The following HADHA variants were observed in gnomAD, a reference collection of about 807,000 sequenced individuals.
HADHA encodes trifunctional enzyme subunit alpha, mitochondrial.
In HADHA, 59 loss-of-function variants were observed where a neutral mutation model predicts 91.3. The ratio of observed to expected loss-of-function variants is 0.65; its 90% CI spans 0.52 to 0.80. HADHA has a LOEUF of 0.80. Ranked by LOEUF, HADHA falls within the 30% of genes least tolerant of loss-of-function variation. HADHA has a pLI of 0.00. For missense variants in HADHA, 800 were observed against 927.6 expected (o/e 0.86, Z 1.79); for synonymous variants, 320 against 338.9 (o/e 0.94, Z 0.61).
At position 26,238,995 on chromosome 2, in the gene HADHA, T is replaced by C. The variant is rs760474963; in HGVS notation, c.119A>G (p.His40Arg). Residue 40 changes from histidine (H) to arginine (R), a missense_variant, in exon 3 of 20, where the codon CAT (histidine) becomes CGT (arginine). Transcript: ENST00000380649. ...TGSSALLTRT[H>R]INYGVKGDVA... is the part of the protein sequence containing the mutation. ...ATCCCCTTTGACTCCATAGTTAATA[T>C]GGGTTCTGGCTAAAAAGAAAAGAAA... 1.2e-6 allele frequency: 2 copies of C among 1,604,748 alleles called. No individual in the cohort carries two copies. The highest frequency in any genetic ancestry group is 1.7e-6 in the Non-Finnish European group (2 of 1,171,710).
intron 1 of HADHA, among the ~76,000 whole-genome samples, chr2:26,240,516 A>G (rs982310305): frequency 2.0e-5 from 3 of 152,230 alleles, no homozygotes; most frequent in South Asian, 2.1e-4. Flanking sequence ...AAAACAGGGT[A>G]AAGTGGATTA....
At chr2:26,191,674 A>G in intron 18 of HADHA, 46 bp from the exon 19 acceptor site, 1 of 1,601,486 alleles carries the variant, frequency 6.2e-7, no homozygotes, top group East Asian at 2.2e-5. Flanking sequence ...GGAAAAGGGG[A>G]GGAAAGCCAG....
At position 26,191,177 on chromosome 2, in the gene HADHA, A is replaced by G. The variant is rs1415953523; in HGVS notation, c.*73T>C. The G allele has an allele frequency of 2.1e-5, 30 of 1,444,958 alleles. No individual in the cohort carries two copies. In the Admixed American group the frequency reaches 5.0e-4, roughly 24 times the overall value. The allele number at this position is 1,444,958 out of a possible 1,614,324, so 89.5% of individuals were successfully genotyped here. A position where few individuals can be genotyped will look rare whatever the true frequency, so the allele number is the denominator to read the frequency against. On this transcript the variant is annotated 3_prime_UTR_variant, in exon 20 of 20. Coordinates refer to ENST00000380649, the MANE Select transcript of HADHA (RefSeq NM_000182.5). ...TCTCGTTACTCTGATAAATCTAGAC[A>G]CCACTCTGTTGGAGAACCAGCACTG...
rs1574618715 is a variant in HADHA at position 26,221,281 on chromosome 2, G to A, written c.677-6106C>T. On this transcript the variant is annotated intron_variant, in intron 7 of 19. Transcript: ENST00000380649. This position sits in a 1 kb window ranked among gnomAD's most constrained non-coding sequence, Gnocchi z 4.8. The stretch of plus-strand genomic sequence containing the variant: ...AGTGTCGGCAGCAGACAGAGGTGCT[G>A]TCTGGAGTCTTTAATAGATCTCTAT... Among the ~76,000 whole-genome samples, 1 of 152,212 alleles carries A rather than the reference G, an allele frequency of 6.6e-6. No individual in the cohort carries two copies. The highest frequency in any genetic ancestry group is 2.1e-4 in the South Asian group (1 of 4,834).
At position 26,210,354 on chromosome 2, in the gene HADHA, C is replaced by T. The variant is rs1422126492; in HGVS notation, c.976-465G>A. 6.6e-6 allele frequency among the ~76,000 whole-genome samples: 1 copy of T among 151,476 alleles called. No homozygotes were observed. The highest frequency in any genetic ancestry group is 1.5e-5 in the Non-Finnish European group (1 of 67,806). On this transcript the variant is annotated intron_variant, in intron 10 of 19. Transcript: ENST00000380649. The surrounding 1 kb of genome is among the most constrained non-coding windows in gnomAD (Gnocchi z 4.0). ...GACAGTATGACTCTGAACTCCAGTT[C>T]TTTTTTTTTGAGATGGAGTCTCGCA...
chr2:26,197,943 T>C (rs967192879), intron 13 of HADHA, among the ~76,000 whole-genome samples, 166 bp from the exon 14 acceptor site: 10 of 152,188 alleles, frequency 6.6e-5, no homozygotes, highest in Admixed American at 2.0e-4. Context: ...CTAGGGGGTT[T>C]TGTGTCGGGG....
chr2:26,235,355 C>G (rs1670723062), intron 4 of HADHA: 1 of 152,188 alleles, frequency 6.6e-6, no homozygotes, highest in Non-Finnish European at 1.5e-5. Flanking sequence ...TGATGTTCCA[C>G]TCAATGTCCT....
intron 13 of HADHA, among the ~76,000 whole-genome samples, chr2:26,198,677 GA>G (rs1195211396): frequency 6.6e-5 from 10 of 150,876 alleles, no homozygotes; most frequent in African/African-American, 2.2e-4. Flanking sequence ...AAAAAGGAAA[GA>G]AAAGAACTGT....
intron 11 of HADHA, among the ~76,000 whole-genome samples, chr2:26,209,544 T>G (rs1670044998): frequency 6.6e-6 from 1 of 152,120 alleles, no homozygotes; most frequent in African/African-American, 2.4e-5. Context: ...AACATCAATA[T>G]GTGACAAGAA....
intron 4 of HADHA, 79 bp from the exon 5 acceptor site, chr2:26,234,434 A>G (rs2147782630): frequency 1.7e-6 from 2 of 1,185,910 alleles, no homozygotes; most frequent in South Asian, 1.2e-5. Flanking sequence ...TTCACTATAC[A>G]CTTATCCTAT....
rs1670587292 is a variant in HADHA at position 26,230,185 on chromosome 2, C to T, written c.676+7G>A. 3.2e-6 allele frequency: 5 copies of T among 1,544,832 alleles called. No homozygotes were observed. The highest frequency in any genetic ancestry group is 4.5e-6 in the Non-Finnish European group (5 of 1,116,944). ...AAGGTCTGACTCTGAGATGTGCTAA[C>T]ACTTACCCAGGGGTTCCACCAGTTG... On this transcript the variant is annotated splice_region_variant and intron_variant, in intron 7 of 19. Transcript: ENST00000380649.
At chr2:26,234,162 G>C (rs201602394) in intron 5 of HADHA, 55 bp downstream of exon 5, 2 of 1,534,480 alleles carry the variant, frequency 1.3e-6, no homozygotes, top group East Asian at 2.2e-5. Context: ...GTTTACAGCT[G>C]ATGAATGCCA....
chr2:26,243,926 C>T (rs1443764637), intron 1 of HADHA, among the ~76,000 whole-genome samples: 1 of 152,224 alleles, frequency 6.6e-6, no homozygotes, highest in Non-Finnish European at 1.5e-5. Context: ...GTGTGTCTTC[C>T]AGTAAGTTGC....
chr2:26,223,155 T>C (rs114650676), intron 7 of HADHA, among the ~76,000 whole-genome samples: 1,759 of 152,296 alleles, frequency 0.012, 40 homozygotes, highest in African/African-American at 0.038. Flanking sequence ...TCTACTGAAC[T>C]GTTAGTTAAA....
At chr2:26,241,437 T>A (rs1368664146) in intron 1 of HADHA, among the ~76,000 whole-genome samples, 7 of 148,990 alleles carry the variant, frequency 4.7e-5, no homozygotes, top group African/African-American at 1.7e-4. Flanking sequence ...CTGGCTGACA[T>A]GGCGAAACCC....
chr2:26,234,765 C>CA (rs199781944), intron 4 of HADHA, among the ~76,000 whole-genome samples: 252 of 88,864 alleles, frequency 2.8e-3, no homozygotes, highest in African/African-American at 5.1e-3. Context: ...GACTCTGTCT[C>CA]AAAAAAAAAA....
In HADHA at chr2:26,229,169, G is replaced by A. The variant is rs182571082; in HGVS notation, c.676+1023C>T. 5.3e-5 allele frequency among the ~76,000 whole-genome samples: 8 copies of A among 152,022 alleles called. No individual in the cohort carries two copies. Among genetic ancestry groups the A allele is most frequent in the Non-Finnish European group, 7.4e-5 (5 of 67,958 alleles). On this transcript the variant is annotated intron_variant, in intron 7 of 19. Coordinates refer to ENST00000380649, the MANE Select transcript of HADHA (RefSeq NM_000182.5). The surrounding 1 kb of genome is among the most constrained non-coding windows in gnomAD (Gnocchi z 4.3). ...AGCCTGGAAAACAGAGTGAGATCTC[G>A]TTTCTACAAAAAATAAAAAATTAGC...
rs752999034 is a variant in HADHA, at chr2:26,193,732, C to A, written c.1730G>T (p.Ser577Ile). Residue 577 changes from serine (S) to isoleucine (I), a missense_variant, in exon 17 of 20, where the codon AGC becomes ATC. Coordinates refer to ENST00000380649, the MANE Select transcript of HADHA (RefSeq NM_000182.5). ...DPKKLDSLTT[S>I]FGFPVGAATL... is the part of the protein sequence containing the mutation. ...GGCGGCACCCACAGGAAAGCCAAAG[C>A]TTGTGGTCAGGGAATCCAGCTTCTT... is the stretch of plus-strand genomic sequence containing the variant. The A allele has an allele frequency of 3.1e-6, 5 of 1,614,062 alleles. No homozygotes were observed. The highest frequency in any genetic ancestry group is 4.2e-6 in the Non-Finnish European group (5 of 1,180,024).
intron 13 of HADHA, 109 bp downstream of exon 13, chr2:26,201,040 G>A (rs983033588): frequency 1.1e-5 from 9 of 853,580 alleles, no homozygotes; most frequent in Non-Finnish European, 1.4e-5. Flanking sequence ...CCTTTGAATA[G>A]TCCTTTTTAT....
Sources: allele counts gnomAD v4.1 joint callset (sites outside exome capture counted in the v4.1 genomes callset), GRCh38; gene constraint gnomAD v4.1.1; non-coding constraint Gnocchi (gnomAD v3.1); transcripts MANE v1.5; gene names NCBI Gene and HGNC (gene_info 2026-07-23, HGNC 2026-07-21).